NKAIN2: variants seen among roughly 807,000 people sequenced by gnomAD.
The protein encoded by NKAIN2 is sodium/potassium-transporting ATPase subunit beta-1-interacting protein 2.
NKAIN2 carries 14 observed loss-of-function variants against 32.6 expected under a neutral mutation model. That is an observed-to-expected ratio of 0.43 (90% CI 0.28 to 0.67). The LOEUF is 0.67. Ranked by LOEUF, NKAIN2 falls within the 30% of genes least tolerant of loss-of-function variation. NKAIN2 has a pLI of 0.17. For missense variants in NKAIN2, 198 were observed against 258.3 expected (o/e 0.77, Z 1.60); for synonymous variants, 80 against 87.2 (o/e 0.92, Z 0.46).
At chr6:124,173,415 A>G (rs1299414855) in intron 1 of NKAIN2, among the ~76,000 whole-genome samples, 2 of 152,108 alleles carry the variant, frequency 1.3e-5, no homozygotes, top group African/African-American at 2.4e-5. Context: ...TCAGTAATGA[A>G]GTGAGATACC....
At chr6:123,883,636 TTTTTTAAAAAAAAATTTTTTTTAAAA>T (rs937281327) in intron 1 of NKAIN2, among the ~76,000 whole-genome samples, 4 of 113,750 alleles carry the variant, frequency 3.5e-5, no homozygotes, top group Non-Finnish European at 7.5e-5. Flanking sequence ...ATTAAACCTC[TTTTTTAAAAAAAAATTTTTTTTAAAA>T]TTTTAAAAAA....
intron 1 of NKAIN2, among the ~76,000 whole-genome samples, chr6:123,846,040 A>G (rs1172445459): frequency 6.6e-6 from 1 of 152,118 alleles, no homozygotes; most frequent in Non-Finnish European, 1.5e-5. Context: ...TTTTATAACT[A>G]TGCTTTTGGA....
chr6:124,333,200 T>C (rs533161810), intron 2 of NKAIN2, among the ~76,000 whole-genome samples: 1 of 152,272 alleles, frequency 6.6e-6, no homozygotes, highest in South Asian at 2.1e-4. Context: ...TACTTGACAC[T>C]AATAAATCTT....
At chr6:124,436,387 CT>C (rs1775445774) in intron 3 of NKAIN2, among the ~76,000 whole-genome samples, 1 of 152,084 alleles carries the variant, frequency 6.6e-6, no homozygotes, top group Non-Finnish European at 1.5e-5. Context: ...TTTATAAATG[CT>C]TGTTTTTCTA....
chr6:124,378,268 G>A (rs1800078917), intron 3 of NKAIN2, among the ~76,000 whole-genome samples: 1 of 152,110 alleles, frequency 6.6e-6, no homozygotes, highest in Admixed American at 6.5e-5. Flanking sequence ...AGGCAGCAAG[G>A]GACAGCAAAA....
At chr6:123,813,736 T>C (rs1773576858) in intron 1 of NKAIN2, among the ~76,000 whole-genome samples, 1 of 152,004 alleles carries the variant, frequency 6.6e-6, no homozygotes, top group Non-Finnish European at 1.5e-5. Context: ...TGCTTGAACC[T>C]GGGAGGCAGA....
chr6:124,135,510 G>A (rs1298039286), intron 1 of NKAIN2, among the ~76,000 whole-genome samples: 2 of 42,946 alleles, frequency 4.7e-5, no homozygotes, highest in African/African-American at 2.1e-4. Flanking sequence ...TTAAAGCAAC[G>A]ATAGTAAAAA....
Position 124,553,512 on chromosome 6 carries a change from G to C in NKAIN2, c.274-104674G>C, listed in dbSNP as rs189805513. Among the ~76,000 whole-genome samples, 9 of 152,132 alleles carry C rather than the reference G, an allele frequency of 5.9e-5. No individual in the cohort carries two copies. In the East Asian group the frequency reaches 1.7e-3, roughly 30 times the overall value. On this transcript the variant is annotated intron_variant, in intron 3 of 6. Transcript: ENST00000368417. ...AGTAGAGATGGGGTTTCTCCATGTT[G>C]GTCAGGCTGGTCTCCAACTCCCGAC...
intron 2 of NKAIN2, among the ~76,000 whole-genome samples, chr6:124,292,845 T>G (rs1795881281): frequency 6.6e-6 from 1 of 152,168 alleles, no homozygotes; most frequent in Non-Finnish European, 1.5e-5. Context: ...CTGTAATGTA[T>G]TTTATTAATG....
intron 4 of NKAIN2, among the ~76,000 whole-genome samples, chr6:124,770,238 G>C (rs781687876): frequency 6.6e-6 from 1 of 152,194 alleles, no homozygotes; most frequent in African/African-American, 2.4e-5. Flanking sequence ...GGTATCACCT[G>C]TTCCTAGATG....
intron 1 of NKAIN2, among the ~76,000 whole-genome samples, chr6:123,957,571 A>G (rs1777653286): frequency 6.6e-6 from 1 of 152,214 alleles, no homozygotes; most frequent in East Asian, 1.9e-4. Context: ...ATGATTATAT[A>G]TCTAATTATT....
intron 1 of NKAIN2, among the ~76,000 whole-genome samples, chr6:124,185,417 C>A (rs1239797892): frequency 6.6e-6 from 1 of 152,092 alleles, no homozygotes; most frequent in Non-Finnish European, 1.5e-5. Context: ...AACCATCTCC[C>A]ACCAAACCAT....
chr6:124,658,923 C>T (rs1784640983), intron 4 of NKAIN2: 1 of 148,102 alleles, frequency 6.8e-6, no homozygotes, highest in Non-Finnish European at 1.5e-5. Context: ...AATTCTAAGA[C>T]ATTCATGCCC....
At chr6:124,352,017 TCAAA>T (rs1020778540) in intron 2 of NKAIN2, among the ~76,000 whole-genome samples, 1 of 152,210 alleles carries the variant, frequency 6.6e-6, no homozygotes, top group Admixed American at 6.5e-5. Flanking sequence ...TTGTGTACTT[TCAAA>T]CAGTTGATCA....
rs577631828 is a variant in NKAIN2, at chr6:123,939,640, C to CA, written c.54+135395dup. 2.3e-3 allele frequency among the ~76,000 whole-genome samples: 340 copies of CA among 150,444 alleles called. 1 individual carries two copies. The highest frequency in any genetic ancestry group is 7.2e-3 in the African/African-American group (296 of 41,110). On this transcript the variant is annotated intron_variant, in intron 1 of 6. Coordinates refer to ENST00000368417, the MANE Select transcript of NKAIN2 (RefSeq NM_001040214.3). The stretch of plus-strand genomic sequence containing the variant: ...ATTTTTTACTATTACTTACTGAAAA[C>CA]AAAAAAAAAGTTGTGATTGACAAAA...
intron 1 of NKAIN2, among the ~76,000 whole-genome samples, chr6:124,041,006 G>A (rs568393805): frequency 6.6e-6 from 1 of 152,108 alleles, no homozygotes; most frequent in South Asian, 2.1e-4. Context: ...CTCATTCCCA[G>A]TTTGCTATTT....
intron 1 of NKAIN2, among the ~76,000 whole-genome samples, chr6:124,257,480 C>T (rs948141061): frequency 3.9e-5 from 6 of 152,038 alleles, no homozygotes; most frequent in African/African-American, 1.5e-4. Flanking sequence ...TGGAGTATAC[C>T]ATATTTGAGA....
intron 2 of NKAIN2, among the ~76,000 whole-genome samples, chr6:124,333,607 C>T (rs1269586073): frequency 1.3e-5 from 2 of 152,048 alleles, no homozygotes; most frequent in African/African-American, 2.4e-5. Context: ...TTGCAGTGAG[C>T]TGAGATCACA....
chr6:124,593,745 A>G (rs946142106), intron 3 of NKAIN2, among the ~76,000 whole-genome samples: 1 of 152,230 alleles, frequency 6.6e-6, no homozygotes, highest in Non-Finnish European at 1.5e-5. Context: ...TAGACATGAC[A>G]TAAGGCTATA....
Sources: gnomAD v4.1 joint callset for allele counts (sites outside exome capture counted in the v4.1 genomes callset) on GRCh38, gnomAD v4.1.1 for gene constraint, MANE v1.5 for transcripts, NCBI Gene and HGNC (gene_info 2026-07-23, HGNC 2026-07-21) for gene names.